Variants in CHD2 observed in about 807,000 individuals in gnomAD.
CHD2 encodes ATP-dependent chromatin remodeler CHD2.
Under a neutral mutation model 243.9 loss-of-function variants are expected in CHD2, and 28 were observed. That is an observed-to-expected ratio of 0.11 (90% CI 0.09 to 0.16). The LOEUF (loss-of-function observed/expected upper bound fraction) is 0.16. Ranked by LOEUF, CHD2 falls within the 10% of genes least tolerant of loss-of-function variation. The pLI is 1.00. For synonymous variants in CHD2, 775 were observed against 779.0 expected (o/e 0.99, Z 0.09); for missense variants, 1,386 against 2,209.8 (o/e 0.63, Z 7.47).
At chr15:93,012,591 G>T in intron 36 of CHD2, 147 bp downstream of exon 36, 1 of 554,064 alleles carries the variant, frequency 1.8e-6, no homozygotes. Context: ...CCAGATGGGT[G>T]AAATAGCCAA....
At chr15:92,958,578 T>G (rs924322950) in intron 16 of CHD2, among the ~76,000 whole-genome samples, 2 of 152,174 alleles carry the variant, frequency 1.3e-5, no homozygotes, top group Non-Finnish European at 2.9e-5. Context: ...ATTGGATTGT[T>G]TGTCTTATTA....
chr15:92,911,045 T>C (rs1468114943), intron 2 of CHD2, among the ~76,000 whole-genome samples: 1 of 152,218 alleles, frequency 6.6e-6, no homozygotes, highest in African/African-American at 2.4e-5. Context: ...AGTATTACAG[T>C]CTTATGGGAT....
intron 37 of CHD2, among the ~76,000 whole-genome samples, chr15:93,018,980 A>G (rs1285851420): frequency 6.6e-6 from 1 of 152,168 alleles, no homozygotes; most frequent in Admixed American, 6.5e-5. Flanking sequence ...CCATCCCTGG[A>G]CTTCTGTGTC....
intron 28 of CHD2, among the ~76,000 whole-genome samples, chr15:92,995,387 G>GT (rs1567156787): frequency 6.6e-6 from 1 of 152,022 alleles, no homozygotes; most frequent in African/African-American, 2.4e-5. Flanking sequence ...TCTTGTTTTC[G>GT]TTTTTTGTTC....
intron 5 of CHD2, 79 bp downstream of exon 5, chr15:92,929,170 CT>C: frequency 7.5e-7 from 1 of 1,326,018 alleles, no homozygotes; most frequent in Non-Finnish European, 1.1e-6. Context: ...TTCGTTGTGT[CT>C]TTAGTCTACT....
chr15:92,984,647 G>A (rs901295566), intron 25 of CHD2, 147 bp downstream of exon 25: 3 of 671,738 alleles, frequency 4.5e-6, no homozygotes, highest in South Asian at 7.2e-5. Flanking sequence ...ACTTAACAAA[G>A]GAAAGTGGAG....
intron 34 of CHD2, among the ~76,000 whole-genome samples, chr15:93,005,213 G>A (rs2054305339): frequency 6.6e-6 from 1 of 152,184 alleles, no homozygotes; most frequent in Admixed American, 6.5e-5. Flanking sequence ...AGTGCATACT[G>A]TGGAGATCCT....
intron 5 of CHD2, among the ~76,000 whole-genome samples, chr15:92,935,179 G>T (rs1282767227): frequency 6.6e-6 from 1 of 151,964 alleles, no homozygotes; most frequent in Admixed American, 6.6e-5. Context: ...GGGACTACGG[G>T]CGCCCGCCAC....
chr15:92,957,499 C>T (rs1301030318), intron 16 of CHD2, among the ~76,000 whole-genome samples: 1 of 152,030 alleles, frequency 6.6e-6, no homozygotes, highest in Non-Finnish European at 1.5e-5. Flanking sequence ...CATTTATGTT[C>T]TCATTCATCT....
At position 92,960,140 on chromosome 15, in the gene CHD2, T is replaced by C. The variant is rs115289075; in HGVS notation, c.2000+3491T>C. On this transcript the variant is annotated intron_variant, in intron 16 of 38. Transcript: ENST00000394196. ...ATTTGGAGTGGAATTTTTAAAAATA[T>C]AACCTATTATAGAACTACAATTGGG... Among the ~76,000 whole-genome samples the C allele has an allele frequency of 3.4e-3, 514 of 152,336 alleles. 5 individuals carry two copies. Among genetic ancestry groups the C allele is most frequent in the African/African-American group, 0.012 (501 of 41,574 alleles).
At chr15:92,996,299 A>G (rs1458608442) in intron 28 of CHD2, among the ~76,000 whole-genome samples, 1 of 151,138 alleles carries the variant, frequency 6.6e-6, no homozygotes, top group Non-Finnish European at 1.5e-5. Context: ...GGCTGGGACT[A>G]CAGGCGCCCA....
rs2053857613 is a variant in CHD2 at position 92,972,713 on chromosome 15, T to C, written c.2505+296T>C. ...AAAAATACAAAAAATTAGCCGGGCG[T>C]AGTGGCGGGCGCCTGTAGTCCCAGC... On this transcript the variant is annotated intron_variant, in intron 19 of 38. Transcript: ENST00000394196. Among the ~76,000 whole-genome samples, 8 of 48,412 alleles carry C rather than the reference T, an allele frequency of 1.7e-4. 4 individuals carry two copies. The highest frequency in any genetic ancestry group is 4.4e-4 in the Non-Finnish European group (8 of 18,206). 31.8% of individuals were successfully genotyped at this position (48,412 alleles called of 152,430 possible).
chr15:93,017,284 A>G (rs529048473), intron 37 of CHD2, among the ~76,000 whole-genome samples: 1 of 150,790 alleles, frequency 6.6e-6, no homozygotes, highest in Admixed American at 6.6e-5. Context: ...TAGTCCTTCT[A>G]GTCCTCATTG....
chr15:93,011,664 C>T lies in CHD2; in HGVS notation c.4593-681C>T, dbSNP rs150291746. 1.2e-3 allele frequency among the ~76,000 whole-genome samples: 183 copies of T among 152,304 alleles called. 1 individual carries two copies. The highest frequency in any genetic ancestry group is 4.3e-3 in the African/African-American group (178 of 41,560). On this transcript the variant is annotated intron_variant, in intron 35 of 38. Coordinates refer to ENST00000394196, the MANE Select transcript of CHD2 (RefSeq NM_001271.4). The stretch of plus-strand genomic sequence containing the variant: ...ATGAGACTCCTTTATCTGGCTCACT[C>T]TGACTACCTGTGCTTACTCTTTCTA...
intron 35 of CHD2, among the ~76,000 whole-genome samples, chr15:93,009,978 C>T (rs1168100425): frequency 6.6e-6 from 1 of 152,196 alleles, no homozygotes; most frequent in Admixed American, 6.5e-5. Flanking sequence ...GTGCACCCAT[C>T]ACCCGAGCAG....
At chr15:92,961,586 G>A (rs900883595) in intron 16 of CHD2, among the ~76,000 whole-genome samples, 5 of 151,752 alleles carry the variant, frequency 3.3e-5, no homozygotes, top group Non-Finnish European at 7.4e-5. Context: ...TTTATTTTTT[G>A]TTATTTGTAG....
At chr15:92,996,414 C>T (rs1184211695) in intron 28 of CHD2, among the ~76,000 whole-genome samples, 1 of 152,034 alleles carries the variant, frequency 6.6e-6, no homozygotes, top group Non-Finnish European at 1.5e-5. Context: ...CCTGCCTCAG[C>T]CTCCCAAAGT....
At chr15:92,957,489 C>T (rs942759841) in intron 16 of CHD2, among the ~76,000 whole-genome samples, 3 of 152,206 alleles carry the variant, frequency 2.0e-5, no homozygotes, top group Non-Finnish European at 2.9e-5. Flanking sequence ...TCTCTTTTTA[C>T]ATTTATGTTC....
chr15:92,970,333 C>T (rs567110477), intron 17 of CHD2, among the ~76,000 whole-genome samples: 1 of 152,216 alleles, frequency 6.6e-6, no homozygotes, highest in East Asian at 1.9e-4. Context: ...TCCCGACTAG[C>T]TGGGATTACA....
Sources: gnomAD v4.1 joint callset for allele counts (sites outside exome capture counted in the v4.1 genomes callset) on GRCh38, gnomAD v4.1.1 for gene constraint, MANE v1.5 for transcripts, NCBI Gene and HGNC (gene_info 2026-07-23, HGNC 2026-07-21) for gene names.